The following HIVEP3 variants were observed in gnomAD, a reference collection of about 807,000 sequenced individuals.
HIVEP3 encodes transcription factor HIVEP3.
A neutral mutation model predicts 152.8 loss-of-function variants in HIVEP3; 49 were observed. The ratio of observed to expected loss-of-function variants is 0.32; its 90% CI spans 0.26 to 0.41. HIVEP3 has a LOEUF of 0.41. Ranked by LOEUF, HIVEP3 falls within the 10% of genes least tolerant of loss-of-function variation. The pLI is 1.00. For missense variants in HIVEP3, 2,790 were observed against 3,103.3 expected (o/e 0.90, Z 2.40); for synonymous variants, 1,269 against 1,289.0 (o/e 0.98, Z 0.33).
intron 1 of HIVEP3, among the ~76,000 whole-genome samples, chr1:41,773,129 T>C (rs545550519): frequency 3.3e-5 from 5 of 152,322 alleles, no homozygotes; most frequent in African/African-American, 9.6e-5. Flanking sequence ...GTCAGCCAGA[T>C]GCTGTGCTGG....
intron 5 of HIVEP3, among the ~76,000 whole-genome samples, chr1:41,530,556 C>A (rs1188459835): frequency 6.6e-6 from 1 of 152,194 alleles, no homozygotes; most frequent in Non-Finnish European, 1.5e-5. Flanking sequence ...GGAAGCCCCG[C>A]AACCTCCTGG....
At chr1:41,947,652 C>A (rs900751038) in intron 1 of HIVEP3, among the ~76,000 whole-genome samples, 7 of 152,170 alleles carry the variant, frequency 4.6e-5, no homozygotes, top group African/African-American at 1.7e-4. Flanking sequence ...GTTAAGCTTG[C>A]TAATGGGGCA....
intron 3 of HIVEP3, among the ~76,000 whole-genome samples, chr1:41,613,893 TA>T (rs1360389978): frequency 6.6e-6 from 1 of 152,242 alleles, no homozygotes; most frequent in East Asian, 1.9e-4. Context: ...GGACATTTCA[TA>T]AAAATGGAAT....
At chr1:41,952,125 C>T (rs560428914) in intron 1 of HIVEP3, among the ~76,000 whole-genome samples, 71 of 152,308 alleles carry the variant, frequency 4.7e-4, no homozygotes, top group Admixed American at 3.6e-3. Flanking sequence ...GATACATTCT[C>T]TCTAGCTCAT....
At chr1:41,856,126 G>T (rs1165772082) in intron 1 of HIVEP3, among the ~76,000 whole-genome samples, 2 of 152,180 alleles carry the variant, frequency 1.3e-5, no homozygotes, top group African/African-American at 4.8e-5. Flanking sequence ...CAATTTTCAG[G>T]GAGAGGCCAG....
intron 2 of HIVEP3, among the ~76,000 whole-genome samples, chr1:41,681,094 G>A (rs1646031623): frequency 7.0e-6 from 1 of 143,290 alleles, no homozygotes; most frequent in Admixed American, 6.9e-5. Flanking sequence ...GAACTGGTGT[G>A]TGTGTGTGTG....
At chr1:41,779,456 T>C (rs1337576845) in intron 1 of HIVEP3, among the ~76,000 whole-genome samples, 1 of 152,232 alleles carries the variant, frequency 6.6e-6, no homozygotes, top group Non-Finnish European at 1.5e-5. Flanking sequence ...CAGCAAATAT[T>C]CATGAAAAAA....
At chr1:42,025,915 T>TA (rs1645579108) in intron 1 of HIVEP3, among the ~76,000 whole-genome samples, 1 of 151,674 alleles carries the variant, frequency 6.6e-6, no homozygotes, top group Non-Finnish European at 1.5e-5. Context: ...ACAAAAAATA[T>TA]AAAAAATTAG....
intron 5 of HIVEP3, among the ~76,000 whole-genome samples, chr1:41,526,466 C>CCACACTCACCTT (rs774011202): frequency 7.8e-6 from 1 of 127,554 alleles, no homozygotes; most frequent in East Asian, 2.7e-4. Context: ...GCTCACACCC[C>CCACACTCACCTT]CACACTCACC....
At chr1:41,521,186 A>C (rs1403709753) in intron 6 of HIVEP3, among the ~76,000 whole-genome samples, 1 of 152,160 alleles carries the variant, frequency 6.6e-6, no homozygotes, top group African/African-American at 2.4e-5. Flanking sequence ...GGACTTGATG[A>C]GGTGACACAA....
chr1:42,012,415 G>C (rs1645498033), intron 1 of HIVEP3, among the ~76,000 whole-genome samples: 1 of 121,218 alleles, frequency 8.2e-6, no homozygotes, highest in African/African-American at 2.9e-5. Flanking sequence ...CCCCATGATG[G>C]GGCTGGAGCC....
chr1:41,592,073 T>A (rs1644596209), intron 3 of HIVEP3, among the ~76,000 whole-genome samples: 1 of 152,140 alleles, frequency 6.6e-6, no homozygotes, highest in Non-Finnish European at 1.5e-5. Flanking sequence ...GCACACCTGG[T>A]GAGAGCCAGG....
intron 5 of HIVEP3, among the ~76,000 whole-genome samples, chr1:41,527,380 ACTC>A (rs2149056602): frequency 2.0e-5 from 1 of 50,412 alleles, no homozygotes; most frequent in African/African-American, 9.0e-5. Flanking sequence ...CTGCACTCAC[ACTC>A]GCACTCACAC....
intron 1 of HIVEP3, among the ~76,000 whole-genome samples, chr1:41,866,006 C>G (rs551455980): frequency 6.6e-6 from 1 of 152,332 alleles, no homozygotes; most frequent in African/African-American, 2.4e-5. Context: ...CCTTCTCTCC[C>G]CGCTGCTGTG....
At chr1:42,021,534 C>T (rs919425747) in intron 1 of HIVEP3, among the ~76,000 whole-genome samples, 2 of 152,074 alleles carry the variant, frequency 1.3e-5, no homozygotes, top group Admixed American at 6.6e-5. Flanking sequence ...TCCGTTTATA[C>T]ACTCAAGTGG....
At position 41,510,821 on chromosome 1, in the gene HIVEP3, C is replaced by T; in HGVS notation, c.6851G>A (p.Gly2284Asp). 6.2e-7 allele frequency: 1 copy of T among 1,612,628 alleles called. No individual in the cohort carries two copies. The highest frequency in any genetic ancestry group is 1.1e-5 in the South Asian group (1 of 91,040). The change falls in exon 9 of 9, where the codon GGC becomes GAC. Residue 2284 changes from glycine to aspartate, a missense_variant. Coordinates refer to ENST00000372583, the MANE Select transcript of HIVEP3 (RefSeq NM_024503.5). ...TGTCCAGTCAGGAGGCCTGCCCGGG[C>T]CTCCGCCGGTCCTCTCCCTCTCCTT... ...YPKERERTGG[G>D]PGRPPDWTPH... is the part of the protein sequence containing the mutation.
chr1:41,602,711 GT>G (rs1280953956), intron 3 of HIVEP3, among the ~76,000 whole-genome samples: 8 of 151,370 alleles, frequency 5.3e-5, no homozygotes, highest in African/African-American at 1.9e-4. Flanking sequence ...TTTTCCTATT[GT>G]TTTTGTATTG....
intron 2 of HIVEP3, among the ~76,000 whole-genome samples, chr1:41,670,129 G>A (rs937765538): frequency 1.3e-5 from 2 of 152,162 alleles, no homozygotes; most frequent in African/African-American, 2.4e-5. Context: ...CACCCAGTAG[G>A]TGCACAGTGA....
chr1:41,879,439 A>T (rs1644226660), intron 1 of HIVEP3, among the ~76,000 whole-genome samples: 1 of 152,258 alleles, frequency 6.6e-6, no homozygotes, highest in Non-Finnish European at 1.5e-5. Flanking sequence ...GATACCTTGC[A>T]GCCATTTGGT....
Sources: gnomAD v4.1 joint callset for allele counts (sites outside exome capture counted in the v4.1 genomes callset) on GRCh38, gnomAD v4.1.1 for gene constraint, MANE v1.5 for transcripts, NCBI Gene and HGNC (gene_info 2026-07-23, HGNC 2026-07-21) for gene names.